PARVB: variants seen among roughly 807,000 people sequenced by gnomAD.
The protein encoded by PARVB is parvin beta.
A neutral mutation model predicts 47.0 loss-of-function variants in PARVB; 46 were observed. The observed-to-expected ratio is 0.98, with a 90% confidence interval of 0.77 to 1.25. The LOEUF (loss-of-function observed/expected upper bound fraction) is 1.25. PARVB is among the 50% of genes most tolerant of loss of function. PARVB has a pLI of 0.00. For missense variants in PARVB, 473 were observed against 471.6 expected, an observed-to-expected ratio of 1.00 and a Z score of -0.03; for synonymous variants, 196 against 196.3, an observed-to-expected ratio of 1.00 and a Z score of 0.01.
chr22:44,080,412 C>T (rs932993758), intron 1 of PARVB, among the ~76,000 whole-genome samples: 12 of 152,226 alleles, frequency 7.9e-5, no homozygotes, highest in African/African-American at 1.9e-4. Context: ...GAGGCACCTG[C>T]GTTCCTTAGT....
At chr22:44,118,503 C>T (rs1396295097) in intron 3 of PARVB, among the ~76,000 whole-genome samples, 1 of 152,178 alleles carries the variant, frequency 6.6e-6, no homozygotes, top group Admixed American at 6.5e-5. Context: ...CTTCCCTTTG[C>T]TGTCCTGGGT....
At chr22:44,132,856 C>T (rs757057692) in intron 5 of PARVB, 38 bp from the exon 6 acceptor site, 2 of 1,443,692 alleles carry the variant, frequency 1.4e-6, no homozygotes, top group Non-Finnish European at 1.9e-6. Context: ...CCTGTGTAAC[C>T]TGATCTAAAG....
At chr22:44,056,182 T>G (rs1202764311) in intron 1 of PARVB, among the ~76,000 whole-genome samples, 1 of 152,268 alleles carries the variant, frequency 6.6e-6, no homozygotes, top group African/African-American at 2.4e-5. Flanking sequence ...CGCAGTAGCC[T>G]AGCTTTGGGG....
At chr22:43,999,678 G>C in intron 2 of PARVB, 1 of 1,609,498 alleles carries the variant, frequency 6.2e-7, no homozygotes, top group Non-Finnish European at 8.5e-7. Context: ...GAGGAGGTAA[G>C]TTTTGGGGGA....
chr22:44,042,749 T>G (rs1480335314), intron 1 of PARVB, among the ~76,000 whole-genome samples: 4 of 152,254 alleles, frequency 2.6e-5, no homozygotes, highest in Non-Finnish European at 5.9e-5. Flanking sequence ...TTTATTTTGT[T>G]TCTTTGCTTG....
chr22:44,056,571 T>G (rs2051316035), intron 1 of PARVB, among the ~76,000 whole-genome samples: 1 of 152,128 alleles, frequency 6.6e-6, no homozygotes, highest in South Asian at 2.1e-4. Flanking sequence ...AGTGGTGCAA[T>G]CACGGCTCAC....
intron 1 of PARVB, among the ~76,000 whole-genome samples, chr22:44,084,477 G>T (rs1265789877): frequency 6.6e-6 from 1 of 152,208 alleles, no homozygotes; most frequent in African/African-American, 2.4e-5. Context: ...GCTTGCAGGG[G>T]CCAAGGTGGC....
chr22:44,085,861 C>T (rs1047196422), intron 1 of PARVB, among the ~76,000 whole-genome samples: 3 of 152,224 alleles, frequency 2.0e-5, no homozygotes, highest in African/African-American at 4.8e-5. Context: ...ATGCCCAAGG[C>T]TTGCTGCCAT....
At chr22:44,056,289 A>C (rs1414006571) in intron 1 of PARVB, among the ~76,000 whole-genome samples, 1 of 152,144 alleles carries the variant, frequency 6.6e-6, no homozygotes, top group Non-Finnish European at 1.5e-5. Flanking sequence ...GGGAGGGGTG[A>C]TTCTGTGCCT....
chr22:44,130,046 CA>C (rs2053276234), intron 4 of PARVB, among the ~76,000 whole-genome samples: 1 of 152,208 alleles, frequency 6.6e-6, no homozygotes, highest in Non-Finnish European at 1.5e-5. Flanking sequence ...GGGGAGATAA[CA>C]CTGAAGACAT....
intron 3 of PARVB, 69 bp from the exon 4 acceptor site, chr22:44,118,969 T>C: frequency 9.2e-7 from 1 of 1,081,228 alleles, no homozygotes; most frequent in Non-Finnish European, 1.4e-6. Flanking sequence ...GTTTCTGCAC[T>C]TTCCCTGGTC....
rs150910857 is a variant in PARVB at position 44,038,503 on chromosome 22, G to A, written c.112+14052G>A. Reference sequence around the variant, plus strand: ...TGTACTTAAAACTGGACCTGGGGCCGGGCGTGGTGGCTCACACCTGTAATC... The same window carrying A: ...TGTACTTAAAACTGGACCTGGGGCCAGGCGTGGTGGCTCACACCTGTAATC... On this transcript the variant is annotated intron_variant, in intron 1 of 12. Transcript: ENST00000338758. 4.8e-3 allele frequency among the ~76,000 whole-genome samples: 727 copies of A among 152,262 alleles called. 5 individuals are homozygous for A. The highest frequency in any genetic ancestry group is 0.017 in the African/African-American group (693 of 41,542).
rs147225622 is a variant in PARVB at position 44,100,072 on chromosome 22, G to C, written c.222G>C (p.Thr74=). ...DTQLEENEER[T]MIDPTSKEDP... ...TGGCAGAGGAGAACGAGGAGCGCAC[G>C]ATGATTGACCCCACTTCCAAGGAAG... Residue 74 remains threonine, a synonymous_variant, in exon 3 of 13, where the codon ACG becomes ACC. Coordinates refer to ENST00000338758, the MANE Select transcript of PARVB (RefSeq NM_013327.5). The C allele has an allele frequency of 7.4e-6, 12 of 1,614,038 alleles. No homozygotes were observed. Among genetic ancestry groups the C allele is most frequent in the African/African-American group, 1.3e-5 (1 of 75,028 alleles).
In PARVB at chr22:44,049,819, T is replaced by G. The variant is rs2051175843; in HGVS notation, c.112+25368T>G. ...TTTGGGGGCTCAGCCATCTGGCACATGGAGTGAGTAGGTTTTATTGCCAAA... is the reference window on the plus strand; with the variant it reads ...TTTGGGGGCTCAGCCATCTGGCACAGGGAGTGAGTAGGTTTTATTGCCAAA... On this transcript the variant is annotated intron_variant, in intron 1 of 12. Transcript: ENST00000338758. This position sits in a 1 kb window ranked among gnomAD's most constrained non-coding sequence, Gnocchi z 4.0. Among the ~76,000 whole-genome samples, 1 of 152,232 alleles carries G rather than the reference T, an allele frequency of 6.6e-6. No homozygotes were observed. The highest frequency in any genetic ancestry group is 1.5e-5 in the Non-Finnish European group (1 of 68,040).
At position 44,026,760 on chromosome 22, in the gene PARVB, G is replaced by A. The variant is rs536347272; in HGVS notation, c.112+2309G>A. Reference sequence around the variant, plus strand: ...GTCGGCTTCATTTCCTCCTTTGTTAGAAAGTTGAGGGTGGATTTGGGAGAA... The same window carrying A: ...GTCGGCTTCATTTCCTCCTTTGTTAAAAAGTTGAGGGTGGATTTGGGAGAA... On this transcript the variant is annotated intron_variant, in intron 1 of 12. Transcript: ENST00000338758. Among the ~76,000 whole-genome samples the A allele has an allele frequency of 4.9e-4, 74 of 150,834 alleles. 1 individual carries two copies. The highest frequency in any genetic ancestry group is 1.8e-3 in the African/African-American group (73 of 41,192).
chr22:44,116,123 GAC>G (rs1230680058), intron 3 of PARVB: 1 of 152,376 alleles, frequency 6.6e-6, no homozygotes, highest in East Asian at 1.9e-4. Flanking sequence ...TCTGGGCTCT[GAC>G]AGTTTCTCAG....
intron 8 of PARVB, chr22:44,142,509 G>A (rs1381717763): frequency 1.3e-5 from 2 of 152,208 alleles, no homozygotes; most frequent in Non-Finnish European, 2.9e-5. Context: ...TGGAGGTTTA[G>A]GGAAAAGACA....
chr22:44,039,149 G>A (rs971324867), intron 1 of PARVB, among the ~76,000 whole-genome samples: 2 of 152,206 alleles, frequency 1.3e-5, no homozygotes, highest in Non-Finnish European at 2.9e-5. Flanking sequence ...ATGTGCAGTG[G>A]TGTGGCCCCT....
Position 44,040,053 on chromosome 22 carries a change from G to A in PARVB, c.112+15602G>A, listed in dbSNP as rs1344889837. On this transcript the variant is annotated intron_variant, in intron 1 of 12. Coordinates refer to ENST00000338758, the MANE Select transcript of PARVB (RefSeq NM_013327.5). ...GTTGCCTCTGGGGCTGTGGGCAGGA[G>A]TTGCTTGGGGAGGAGCAGGAGGGAT... 2.2e-5 allele frequency: 6 copies of A among 269,280 alleles called. No individual in the cohort carries two copies. The East Asian group carries it at 7.1e-4, about 32-fold the overall frequency. 16.7% of individuals were successfully genotyped at this position (269,280 alleles called of 1,614,324 possible).
Sources: allele counts gnomAD v4.1 joint callset (sites outside exome capture counted in the v4.1 genomes callset), GRCh38; gene constraint gnomAD v4.1.1; non-coding constraint Gnocchi (gnomAD v3.1); transcripts MANE v1.5; gene names NCBI Gene and HGNC (gene_info 2026-07-23, HGNC 2026-07-21).